PTCHD4: variants seen among roughly 807,000 people sequenced by gnomAD.
The protein encoded by PTCHD4 is patched domain-containing protein 4.
Under a neutral mutation model 58.1 loss-of-function variants are expected in PTCHD4, and 33 were observed. That is an observed-to-expected ratio of 0.57 (90% CI 0.43 to 0.76). The LOEUF is 0.76. Ranked by LOEUF, PTCHD4 falls within the 30% of genes least tolerant of loss-of-function variation. The pLI is 0.00. For missense variants in PTCHD4, 1,058 were observed against 1,027.1 expected (o/e 1.03, Z -0.41); for synonymous variants, 478 against 409.6 (o/e 1.17, Z -2.02).
At chr6:48,001,280 A>C (rs557051674) in intron 4 of PTCHD4, among the ~76,000 whole-genome samples, 1 of 152,346 alleles carries the variant, frequency 6.6e-6, no homozygotes, top group African/African-American at 2.4e-5. Context: ...TGGAACCAAA[A>C]AAGAGCTCAC....
intron 4 of PTCHD4, among the ~76,000 whole-genome samples, chr6:47,920,564 GGAT>G (rs1765399978): frequency 6.6e-6 from 1 of 152,132 alleles, no homozygotes; most frequent in Non-Finnish European, 1.5e-5. Context: ...ATCCAATATT[GGAT>G]GTGGATTCAA....
rs1581889113 is a variant in PTCHD4, at chr6:47,926,344, G to T, written c.899-46408C>A. Among the ~76,000 whole-genome samples, 4 of 152,124 alleles carry T rather than the reference G, an allele frequency of 2.6e-5. No homozygotes were observed. In the South Asian group the frequency reaches 8.3e-4, roughly 32 times the overall value. On this transcript the variant is annotated intron_variant, in intron 4 of 4. Coordinates refer to ENST00000339488, the MANE Select transcript of PTCHD4 (RefSeq NM_001384253.1). ...AGATGCTACTTGTTTGATAGAACTA[G>T]GATACTATTTTTTATTTCTTAACTA...
At chr6:47,910,181 T>C (rs1329225056) in intron 4 of PTCHD4, among the ~76,000 whole-genome samples, 2 of 152,168 alleles carry the variant, frequency 1.3e-5, no homozygotes, top group African/African-American at 4.8e-5. Context: ...CCTTAGTTAA[T>C]ATTTTGGTGT....
At chr6:48,030,305 A>C (rs1763390668) in intron 3 of PTCHD4, among the ~76,000 whole-genome samples, 1 of 152,122 alleles carries the variant, frequency 6.6e-6, no homozygotes, top group African/African-American at 2.4e-5. Flanking sequence ...GTTTCCATGG[A>C]AAATTATGGC....
intron 4 of PTCHD4, among the ~76,000 whole-genome samples, chr6:47,977,140 T>C (rs1000953456): frequency 6.6e-6 from 1 of 152,222 alleles, no homozygotes; most frequent in Non-Finnish European, 1.5e-5. Flanking sequence ...AACAGAGTTA[T>C]ACAGAAGTTA....
chr6:47,984,456 C>T (rs72867998), intron 4 of PTCHD4, among the ~76,000 whole-genome samples: 8,353 of 152,160 alleles, frequency 0.055, 289 homozygotes, highest in Middle Eastern at 0.092. Context: ...AAACCACCCC[C>T]ATGATTCATT....
At chr6:47,915,157 T>C (rs1765205105) in intron 4 of PTCHD4, among the ~76,000 whole-genome samples, 1 of 152,068 alleles carries the variant, frequency 6.6e-6, no homozygotes, top group African/African-American at 2.4e-5. Flanking sequence ...CTTTAAAAAG[T>C]AAAGCCATAA....
At chr6:48,066,977 A>G (rs776146625) in intron 3 of PTCHD4, among the ~76,000 whole-genome samples, 5 of 152,032 alleles carry the variant, frequency 3.3e-5, no homozygotes, top group Non-Finnish European at 5.9e-5. Flanking sequence ...ATATTAGGTC[A>G]TTCATTTATT....
intron 4 of PTCHD4, among the ~76,000 whole-genome samples, chr6:47,957,511 A>G (rs1422837066): frequency 3.3e-5 from 5 of 151,158 alleles, no homozygotes; most frequent in Non-Finnish European, 7.4e-5. Flanking sequence ...CTATGTTCCT[A>G]TCCTACTCCC....
chr6:48,071,624 C>T (rs754426325), intron 1 of PTCHD4, among the ~76,000 whole-genome samples: 15 of 152,254 alleles, frequency 9.9e-5, no homozygotes, highest in Non-Finnish European at 2.1e-4. Flanking sequence ...TAATATCTTA[C>T]ATTAGTTTGG....
At chr6:47,900,582 T>C (rs1236455122) in intron 4 of PTCHD4, 1 of 152,210 alleles carries the variant, frequency 6.6e-6, no homozygotes, top group Non-Finnish European at 1.5e-5. Flanking sequence ...TTCACTTTCT[T>C]GATGGTATTC....
intron 4 of PTCHD4, among the ~76,000 whole-genome samples, chr6:47,997,202 T>G (rs1768528925): frequency 6.6e-6 from 1 of 152,176 alleles, no homozygotes; most frequent in Non-Finnish European, 1.5e-5. Flanking sequence ...TGATCTTATT[T>G]GGTTTTCATT....
intron 1 of PTCHD4, among the ~76,000 whole-genome samples, 70 bp downstream of exon 1, chr6:48,110,977 CTG>C (rs1427373705): frequency 6.6e-6 from 1 of 151,848 alleles, no homozygotes; most frequent in Non-Finnish European, 1.5e-5. Flanking sequence ...GTTCACTGTT[CTG>C]TGATTGCCCC....
intron 4 of PTCHD4, among the ~76,000 whole-genome samples, chr6:47,941,175 A>G (rs1476399117): frequency 6.6e-6 from 1 of 152,236 alleles, no homozygotes; most frequent in Non-Finnish European, 1.5e-5. Flanking sequence ...GTTTCTGATT[A>G]AAGTCCACCA....
chr6:48,097,893 C>A (rs1046214695), intron 1 of PTCHD4, among the ~76,000 whole-genome samples: 3 of 152,184 alleles, frequency 2.0e-5, no homozygotes, highest in Non-Finnish European at 2.9e-5. Flanking sequence ...CCAAGCCTTG[C>A]AGCAAGAATG....
chr6:48,109,820 T>C (rs1328241548), intron 1 of PTCHD4, among the ~76,000 whole-genome samples: 1 of 152,020 alleles, frequency 6.6e-6, no homozygotes, highest in Non-Finnish European at 1.5e-5. Context: ...CCAAAAGGTA[T>C]GTAAAAATTC....
intron 4 of PTCHD4, among the ~76,000 whole-genome samples, chr6:47,914,873 A>T (rs933036479): frequency 1.3e-5 from 2 of 152,140 alleles, no homozygotes; most frequent in Middle Eastern, 3.4e-3. Context: ...GAAAGAAGAA[A>T]TAAAAGAGTG....
chr6:47,923,577 AG>A (rs1397337810), intron 4 of PTCHD4, among the ~76,000 whole-genome samples: 4 of 152,188 alleles, frequency 2.6e-5, no homozygotes, highest in Non-Finnish European at 5.9e-5. Flanking sequence ...ACTTGATATA[AG>A]CTTATAGTGT....
Position 47,872,259 on chromosome 6 carries a change from C to T in PTCHD4, c.*6044G>A, listed in dbSNP as rs1294985142. Among the ~76,000 whole-genome samples the T allele has an allele frequency of 6.6e-6, 1 of 151,654 alleles. No homozygotes were observed. The highest frequency in any genetic ancestry group is 2.4e-5 in the African/African-American group (1 of 41,378). ...TTTTTATTAAACACCAGTAATCTTTCGTCCATGAGAGTGTTTCCTAGTTAT... is the reference window on the plus strand; with the variant it reads ...TTTTTATTAAACACCAGTAATCTTTTGTCCATGAGAGTGTTTCCTAGTTAT... On this transcript the variant is annotated 3_prime_UTR_variant, in exon 5 of 5. Coordinates refer to ENST00000339488, the MANE Select transcript of PTCHD4 (RefSeq NM_001384253.1).
Sources: gnomAD v4.1 joint callset for allele counts (sites outside exome capture counted in the v4.1 genomes callset) on GRCh38, gnomAD v4.1.1 for gene constraint, MANE v1.5 for transcripts, NCBI Gene and HGNC (gene_info 2026-07-23, HGNC 2026-07-21) for gene names.